The following BRDT variants were observed in gnomAD, a reference collection of about 807,000 sequenced individuals.
BRDT encodes bromodomain testis-specific protein.
A neutral mutation model predicts 113.9 loss-of-function variants in BRDT; 77 were observed. That is an observed-to-expected ratio of 0.68 (90% CI 0.56 to 0.82). The LOEUF (loss-of-function observed/expected upper bound fraction) is 0.82, where lower values mean the gene tolerates loss of function less well. Among genes scored for constraint, BRDT ranks in the 40% least tolerant of loss-of-function variants. The probability of loss-of-function intolerance (pLI) is 0.00; values close to 1 mark genes in which losing one functional copy is unlikely to be tolerated. For synonymous variants in BRDT, 358 were observed against 366.5 expected (o/e 0.98, Z 0.26); for missense variants, 1,027 against 1,105.4 (o/e 0.93, Z 1.01).
chr1:91,977,263 T>G lies in BRDT; in HGVS notation c.839T>G (p.Leu280Arg). Residue 280 changes from leucine to arginine, a missense_variant, in exon 6 of 19, where the codon CTT becomes CGT. Leu to Arg is a moderately radical substitution (Grantham distance 102). Coordinates refer to ENST00000399546, the MANE Select transcript of BRDT (RefSeq NM_207189.4). ...TEQLRHCSEI[L>R]KEMLAKKHFS... The stretch of plus-strand genomic sequence containing the variant: ...CAATTAAGGCACTGTAGTGAGATTC[T>G]TAAAGAAATGCTTGCAAAGAAACAT... The G allele has an allele frequency of 6.2e-7, 1 of 1,614,130 alleles. No homozygotes were observed. Among genetic ancestry groups the G allele is most frequent in the Non-Finnish European group, 8.5e-7 (1 of 1,179,994 alleles).
chr1:91,963,096 G>A, intron 2 of BRDT, 150 bp downstream of exon 2: 1 of 531,800 alleles, frequency 1.9e-6, no homozygotes, highest in Middle Eastern at 5.4e-4. Context: ...GGCCGAGGTG[G>A]GGAGATCACC....
intron 2 of BRDT, among the ~76,000 whole-genome samples, chr1:91,964,219 C>G (rs1682816007): frequency 6.6e-6 from 1 of 152,190 alleles, no homozygotes; most frequent in Non-Finnish European, 1.5e-5. Context: ...CATCATCACA[C>G]CAGGCTTATT....
At chr1:92,006,787 A>AT (rs1687352680) in intron 18 of BRDT, among the ~76,000 whole-genome samples, 1 of 146,760 alleles carries the variant, frequency 6.8e-6, no homozygotes, top group South Asian at 2.2e-4. Context: ...TTTTATTTTT[A>AT]TTTTATTTTA....
At chr1:91,954,888 G>A (rs536290148) in intron 1 of BRDT, among the ~76,000 whole-genome samples, 2 of 152,210 alleles carry the variant, frequency 1.3e-5, no homozygotes, top group African/African-American at 4.8e-5. Flanking sequence ...GCTTGAGCCC[G>A]AGATCGAGGC....
intron 1 of BRDT, among the ~76,000 whole-genome samples, chr1:91,953,594 C>A (rs908514889): frequency 6.6e-6 from 1 of 152,060 alleles, no homozygotes; most frequent in Non-Finnish European, 1.5e-5. Context: ...GCAGGAGAAT[C>A]GCTTGAACCT....
rs765415670 is a variant in BRDT at position 91,964,626 on chromosome 1, G to A, written c.193-1G>A. 1 of 1,375,536 alleles carries A rather than the reference G, an allele frequency of 7.3e-7. No individual in the cohort carries two copies. The allele number at this position is 1,375,536 out of a possible 1,614,324, so 85.2% of individuals were successfully genotyped here. A position where few individuals can be genotyped will look rare whatever the true frequency, so the allele number is the denominator to read the frequency against. On this transcript the variant is annotated splice_acceptor_variant, in intron 2 of 18. Coordinates refer to ENST00000399546, the MANE Select transcript of BRDT (RefSeq NM_207189.4). LOFTEE classifies it high-confidence loss of function. ...CATTTAGAATTTGTTCAAAACCATA[G>A]GATTATTATACCATTATAAAAAACC...
At chr1:91,956,316 C>A (rs76391860) in intron 1 of BRDT, among the ~76,000 whole-genome samples, 8 of 139,688 alleles carry the variant, frequency 5.7e-5, no homozygotes, top group Admixed American at 1.5e-4. Flanking sequence ...TGCCCCCCCC[C>A]ACCCCCTGCC....
At chr1:91,998,453 A>T (rs1197735143) in intron 15 of BRDT, among the ~76,000 whole-genome samples, 1 of 152,182 alleles carries the variant, frequency 6.6e-6, no homozygotes, top group Non-Finnish European at 1.5e-5. Flanking sequence ...CGTGTAACAA[A>T]CCTGCACATT....
rs1242525773 is a variant in BRDT, at chr1:92,014,265, C to T, written c.2835C>T (p.Asn945=). The change falls in exon 19 of 19, where the codon AAC becomes AAT. Residue 945 remains asparagine, a synonymous_variant. Transcript: ENST00000399546. ...QSDIMTMFEN[N]FD is the part of the protein sequence containing the mutation. ...ACATTATGACAATGTTTGAAAACAA[C>T]TTTGATTAAAACTCAGTTTTTAAAT... The T allele has an allele frequency of 1.9e-6, 3 of 1,587,058 alleles. No individual in the cohort carries two copies. The South Asian group carries it at 3.5e-5, about 19-fold the overall frequency.
At chr1:92,013,388 A>G (rs903305757) in intron 18 of BRDT, among the ~76,000 whole-genome samples, 1 of 152,164 alleles carries the variant, frequency 6.6e-6, no homozygotes, top group African/African-American at 2.4e-5. Flanking sequence ...CCACATAGCT[A>G]ATGAGAATGC....
At chr1:91,987,443 C>T (rs1177533598) in intron 12 of BRDT, among the ~76,000 whole-genome samples, 4 of 151,926 alleles carry the variant, frequency 2.6e-5, no homozygotes, top group Admixed American at 6.6e-5. Flanking sequence ...AAGCAATTCT[C>T]CTGCCTCAGC....
intron 1 of BRDT, among the ~76,000 whole-genome samples, chr1:91,953,826 T>C (rs1255988157): frequency 1.3e-5 from 2 of 152,236 alleles, no homozygotes; most frequent in African/African-American, 4.8e-5. Context: ...ACTGAACTTT[T>C]CATTATCATT....
Position 91,964,659 on chromosome 1 carries a change from T to C in BRDT, c.225T>C (p.Asp75=), listed in dbSNP as rs1463773284. ...ATACCATTATAAAAAACCCAATGGA[T>C]TTAAATACAATTAAGAAGCGCTTGG... is the stretch of plus-strand genomic sequence containing the variant. ...DYYTIIKNPM[D]LNTIKKRLEN... is the part of the protein sequence containing the mutation. The change falls in exon 3 of 19, where the codon GAT becomes GAC. Residue 75 remains aspartate, a synonymous_variant. Coordinates refer to ENST00000399546, the MANE Select transcript of BRDT (RefSeq NM_207189.4). The C allele has an allele frequency of 2.0e-6, 3 of 1,473,106 alleles. No individual in the cohort carries two copies. In the African/African-American group the frequency reaches 4.2e-5, roughly 21 times the overall value. 91.3% of individuals were successfully genotyped at this position (1,473,106 alleles called of 1,614,324 possible).
chr1:91,983,100 G>A (rs949081505), intron 12 of BRDT, among the ~76,000 whole-genome samples: 3 of 151,942 alleles, frequency 2.0e-5, no homozygotes, highest in African/African-American at 7.3e-5. Flanking sequence ...TTTCAATAAA[G>A]TACCTTAATT....
Position 91,980,826 on chromosome 1 carries a change from TTTA to T in BRDT, c.1460+16_1460+18del. 1 of 1,590,300 alleles carries T rather than the reference TTTA, an allele frequency of 6.3e-7. No individual in the cohort carries two copies. The highest frequency in any genetic ancestry group is 1.2e-5 in the South Asian group (1 of 85,354). On this transcript the variant is annotated intron_variant, in intron 9 of 18. Transcript: ENST00000399546. The stretch of plus-strand genomic sequence containing the variant: ...AAAGTCCAAGAGAAAGTAAGTATCT[TTTA>T]TTATGATAGCTTATTAAGACAATAA...
At chr1:91,958,871 A>G (rs1162167939) in intron 1 of BRDT, among the ~76,000 whole-genome samples, 1 of 152,064 alleles carries the variant, frequency 6.6e-6, no homozygotes, top group African/African-American at 2.4e-5. Flanking sequence ...CCTGGGTGAC[A>G]TGGCAAAACC....
rs540555504 is a variant in BRDT at position 92,004,238 on chromosome 1, AT to A, written c.2389-168del. On this transcript the variant is annotated intron_variant, in intron 16 of 18. Transcript: ENST00000399546. ...TTTAGATGATCTATTATGTTTTTGT[AT>A]TTTTTTTCTAACTTTAGTAACCTTT... 1.7e-3 allele frequency among the ~76,000 whole-genome samples: 259 copies of A among 151,874 alleles called. 3 individuals are homozygous for A. The highest frequency in any genetic ancestry group is 5.9e-3 in the African/African-American group (244 of 41,432).
chr1:91,988,533 T>C (rs1685473169), intron 12 of BRDT, among the ~76,000 whole-genome samples: 1 of 152,120 alleles, frequency 6.6e-6, no homozygotes, highest in Non-Finnish European at 1.5e-5. Context: ...CCCGAGTAGC[T>C]GGGATTACAG....
chr1:91,962,834 G>C lies in BRDT; in HGVS notation c.80G>C (p.Arg27Pro). The C allele has an allele frequency of 6.2e-7, 1 of 1,612,336 alleles. No individual in the cohort carries two copies. The highest frequency in any genetic ancestry group is 8.5e-7 in the Non-Finnish European group (1 of 1,179,406). Residue 27 changes from arginine (R) to proline (P), a missense_variant, in exon 2 of 19, where the codon CGA becomes CCA. By Grantham distance (103) the Arg-to-Pro change is moderately radical. Transcript: ENST00000399546. ...PEYINTKKNG[R>P]LTNQLQYLQK... ...TATATAAATACTAAGAAAAATGGGC[G>C]ATTGACAAATCAACTTCAGTATCTA...
Sources: gnomAD v4.1 joint callset for allele counts (sites outside exome capture counted in the v4.1 genomes callset) on GRCh38, gnomAD v4.1.1 for gene constraint, MANE v1.5 for transcripts, NCBI Gene and HGNC (gene_info 2026-07-23, HGNC 2026-07-21) for gene names.